Variants in ARHGAP40 observed in about 807,000 individuals in gnomAD.
The protein encoded by ARHGAP40 is rho GTPase-activating protein 40.
ARHGAP40 carries 43 observed loss-of-function variants against 73.5 expected under a neutral mutation model. The ratio of observed to expected loss-of-function variants is 0.58; its 90% confidence interval spans 0.46 to 0.75. The LOEUF (loss-of-function observed/expected upper bound fraction) is 0.75, where lower values mean the gene tolerates loss of function less well. Ranked by LOEUF, ARHGAP40 falls within the 30% of genes least tolerant of loss-of-function variation. The pLI, the probability that ARHGAP40 is intolerant of heterozygous loss-of-function variation, is 0.00. For missense variants in ARHGAP40, 734 were observed against 861.8 expected, an observed-to-expected ratio of 0.85 and a Z score of 1.86; for synonymous variants, 300 against 352.8, an observed-to-expected ratio of 0.85 and a Z score of 1.68.
chr20:38,650,355 G>A (rs750357349), exon 15 of ARHGAP40: 10 of 471,184 alleles, frequency 2.1e-5, no homozygotes, highest in Non-Finnish European at 2.6e-5. Context: ...AAATTGTTTC[G>A]AAAGTGGCCC....
At chr20:38,601,901 C>T (rs558527455) in exon 1 of ARHGAP40, 8 of 1,286,756 alleles carry the variant, frequency 6.2e-6, no homozygotes, top group South Asian at 5.0e-5. Context: ...AGCCCCACGG[C>T]GGCAGCACCA....
In ARHGAP40 at chr20:38,649,900, C is replaced by T. The variant is rs1039728559; in HGVS notation, c.*52C>T. On this transcript the variant is annotated 3_prime_UTR_variant, in exon 15 of 15. Transcript: ENST00000373345. ...GATGCCTCCTCCTCTCCCCTGCTGG[C>T]TCTGTGTCCATGTACCCAGCATGAG... The T allele has an allele frequency of 7.4e-6, 9 of 1,215,816 alleles. No individual in the cohort carries two copies. The African/African-American group carries it at 1.4e-4, about 19-fold the overall frequency. 75.3% of individuals were successfully genotyped at this position (1,215,816 alleles called of 1,614,324 possible).
At chr20:38,647,170 A>G in intron 13 of ARHGAP40, 44 bp downstream of exon 13, 2 of 1,283,238 alleles carry the variant, frequency 1.6e-6, no homozygotes, top group Non-Finnish European at 2.0e-6. Flanking sequence ...CCCTGCAGGG[A>G]GGGCTCTGCA....
intron 3 of ARHGAP40, among the ~76,000 whole-genome samples, 162 bp downstream of exon 3, chr20:38,627,377 TGTGTGTGTTGGG>T (rs2088904959): frequency 6.9e-6 from 1 of 145,246 alleles, no homozygotes; most frequent in Non-Finnish European, 1.5e-5. Context: ...TGTGTGTTGG[TGTGTGTGTTGGG>T]GTGTGTGTGT....
chr20:38,649,413 A>G (rs898522164), intron 14 of ARHGAP40, among the ~76,000 whole-genome samples: 8 of 152,198 alleles, frequency 5.3e-5, no homozygotes, highest in Non-Finnish European at 8.8e-5. Context: ...GGCAGGGGCC[A>G]GGAGTGTTCG....
chr20:38,606,494 C>T (rs151280746), intron 1 of ARHGAP40, among the ~76,000 whole-genome samples: 233 of 152,242 alleles, frequency 1.5e-3, no homozygotes, highest in African/African-American at 5.2e-3. Context: ...CATTATTGTT[C>T]ATTTTTAGTC....
At chr20:38,615,375 C>T (rs1035901482) in intron 1 of ARHGAP40, 3 of 746,608 alleles carry the variant, frequency 4.0e-6, no homozygotes, top group Non-Finnish European at 7.5e-6. Context: ...TTAAAAGGCC[C>T]CAGGTACCCA....
At chr20:38,644,533 A>G (rs553165425) in intron 11 of ARHGAP40, among the ~76,000 whole-genome samples, 148 of 151,872 alleles carry the variant, frequency 9.7e-4, no homozygotes, top group African/African-American at 3.5e-3. Flanking sequence ...TCATCCTTCC[A>G]TTCAGTCTCC....
In ARHGAP40 at chr20:38,628,908, C is replaced by T; in HGVS notation, c.559-19C>T. On this transcript the variant is annotated intron_variant, in intron 3 of 14. Coordinates refer to ENST00000373345, the Ensembl canonical transcript of ARHGAP40. ...AGCTTCCCACATGAGTAATTGGGCA[C>T]TGTCTGTAATTTGCATAGAAAATGT... The T allele has an allele frequency of 7.7e-7, 1 of 1,300,520 alleles. No homozygotes were observed. The highest frequency in any genetic ancestry group is 1.0e-6 in the Non-Finnish European group (1 of 986,238). 80.6% of individuals were successfully genotyped at this position (1,300,520 alleles called of 1,614,324 possible).
chr20:38,610,992 C>T (rs1174849538), intron 1 of ARHGAP40, among the ~76,000 whole-genome samples: 1 of 150,826 alleles, frequency 6.6e-6, no homozygotes, highest in Non-Finnish European at 1.5e-5. Context: ...GGGGTTTAAG[C>T]GATTCTCCTG....
intron 1 of ARHGAP40, among the ~76,000 whole-genome samples, chr20:38,611,272 C>T (rs1163866741): frequency 6.6e-6 from 1 of 152,140 alleles, no homozygotes; most frequent in African/African-American, 2.4e-5. Flanking sequence ...GTGTGTCCAA[C>T]TTCCCAACCC....
chr20:38,617,408 C>T (rs1472615763), intron 1 of ARHGAP40, among the ~76,000 whole-genome samples: 4 of 152,152 alleles, frequency 2.6e-5, no homozygotes, highest in South Asian at 2.1e-4. Context: ...GCAAGGGTCT[C>T]GCTAAGATCA....
intron 1 of ARHGAP40, among the ~76,000 whole-genome samples, chr20:38,607,094 G>A (rs2088774769): frequency 6.6e-6 from 1 of 152,136 alleles, no homozygotes; most frequent in Non-Finnish European, 1.5e-5. Flanking sequence ...TTTAGAAATG[G>A]GACAATTTGT....
rs751668002 is a variant in ARHGAP40, at chr20:38,629,655, G to C, written c.783+5G>C. ...TGGGGCAAGTGTTCCCTGCCGGTGA[G>C]GATGCTGTCCACAGGGCTGGTTGGC... On this transcript the variant is annotated splice_donor_5th_base_variant and intron_variant, in intron 5 of 14. Transcript: ENST00000373345. 23 of 1,305,178 alleles carry C rather than the reference G, an allele frequency of 1.8e-5. No individual in the cohort carries two copies. The East Asian group carries it at 1.1e-3, about 60-fold the overall frequency. The allele number at this position is 1,305,178 out of a possible 1,614,324, so 80.8% of individuals were successfully genotyped here.
chr20:38,604,079 G>A (rs2088756706), intron 1 of ARHGAP40, among the ~76,000 whole-genome samples: 1 of 152,158 alleles, frequency 6.6e-6, no homozygotes, highest in African/African-American at 2.4e-5. Flanking sequence ...ACATCTTGGG[G>A]AGCTGTTATT....
rs1364355705 is a variant in ARHGAP40 at position 38,646,231 on chromosome 20, A to G, written c.1710+44A>G. The G allele has an allele frequency of 8.8e-6, 11 of 1,256,556 alleles. No individual in the cohort carries two copies. The East Asian group carries it at 5.4e-4, about 62-fold the overall frequency. The allele number at this position is 1,256,556 out of a possible 1,614,324, so 77.8% of individuals were successfully genotyped here. A position where few individuals can be genotyped will look rare whatever the true frequency, so the allele number is the denominator to read the frequency against. On this transcript the variant is annotated intron_variant, in intron 12 of 14. Coordinates refer to ENST00000373345, the Ensembl canonical transcript of ARHGAP40. The surrounding 1 kb of genome is among the most constrained non-coding windows in gnomAD (Gnocchi z 4.5). ...AGACAGGTGGAGAAGGGCCGAGGCGACAGGAGGGCACCTGGGGCGCGGTGC... is the reference window on the plus strand; with the variant it reads ...AGACAGGTGGAGAAGGGCCGAGGCGGCAGGAGGGCACCTGGGGCGCGGTGC...
At chr20:38,613,278 CT>C in intron 1 of ARHGAP40, among the ~76,000 whole-genome samples, 1 of 152,242 alleles carries the variant, frequency 6.6e-6, no homozygotes, top group African/African-American at 2.4e-5. Context: ...TGGGCAGTAC[CT>C]TAATCTCCCC....
chr20:38,644,407 CTGAGACCCCTCCAGCTCT>C (rs1461233699), intron 11 of ARHGAP40, among the ~76,000 whole-genome samples: 1 of 152,112 alleles, frequency 6.6e-6, no homozygotes, highest in East Asian at 1.9e-4. Flanking sequence ...GCCCCTAGCA[CTGAGACCCCTCCAGCTCT>C]TGAGACTCCT....
At chr20:38,617,380 CCTG>C (rs1456470602) in intron 1 of ARHGAP40, among the ~76,000 whole-genome samples, 2 of 152,174 alleles carry the variant, frequency 1.3e-5, no homozygotes, top group African/African-American at 4.8e-5. Context: ...ATTCTCACTG[CCTG>C]CTATGACCTC....
Sources: allele counts gnomAD v4.1 joint callset (sites outside exome capture counted in the v4.1 genomes callset), GRCh38; gene constraint gnomAD v4.1.1; non-coding constraint Gnocchi (gnomAD v3.1); transcripts MANE v1.5; gene names NCBI Gene and HGNC (gene_info 2026-07-23, HGNC 2026-07-21).